Variants in BCL2L13 observed in about 807,000 individuals in gnomAD.
BCL2L13 encodes bcl-2-like protein 13.
Under a neutral mutation model 25.8 loss-of-function variants are expected in BCL2L13, and 13 were observed. The ratio of observed to expected loss-of-function variants is 0.50; its 90% CI spans 0.33 to 0.80. BCL2L13 has a LOEUF of 0.80. BCL2L13 is among the 30% of genes least tolerant of loss of function. BCL2L13 has a pLI of 0.02. For synonymous variants in BCL2L13, 244 were observed against 230.3 expected (o/e 1.06, Z -0.54); for missense variants, 504 against 574.9 (o/e 0.88, Z 1.26).
intron 6 of BCL2L13, among the ~76,000 whole-genome samples, chr22:17,725,161 T>G (rs2535686): frequency 0.87 from 133,055 of 152,194 alleles, 58,475 homozygotes; most frequent in African/African-American, 0.97. Context: ...CTCCATTCTG[T>G]CTCTGCCATC....
At chr22:17,720,817 A>G (rs2061100531) in intron 6 of BCL2L13, among the ~76,000 whole-genome samples, 1 of 151,604 alleles carries the variant, frequency 6.6e-6, no homozygotes, top group Non-Finnish European at 1.5e-5. Flanking sequence ...TTTTTATGTT[A>G]TGTGAATTTT....
At chr22:17,664,668 G>A (rs2059180538) in intron 2 of BCL2L13, among the ~76,000 whole-genome samples, 1 of 152,214 alleles carries the variant, frequency 6.6e-6, no homozygotes, top group Non-Finnish European at 1.5e-5. Flanking sequence ...TGGACATCCA[G>A]GCATTTCCAT....
At chr22:17,685,114 TC>T (rs1041182049) in intron 3 of BCL2L13, among the ~76,000 whole-genome samples, 1 of 152,146 alleles carries the variant, frequency 6.6e-6, no homozygotes, top group African/African-American at 2.4e-5. Flanking sequence ...CCTCAGGTGA[TC>T]CGCCCACCTC....
chr22:17,636,121 C>G (rs1290145250), upstream of BCL2L13, among the ~76,000 whole-genome samples: 3 of 151,326 alleles, frequency 2.0e-5, no homozygotes, highest in Admixed American at 1.3e-4. Context: ...GTCAGGAGTT[C>G]GAGAGCAGCC....
chr22:17,706,525 A>G, intron 6 of BCL2L13: 1 of 272,994 alleles, frequency 3.7e-6, no homozygotes, highest in South Asian at 1.4e-4. Context: ...TCACAAAAAT[A>G]ATGATGTGAA....
chr22:17,651,269 A>G (rs1225341620), intron 1 of BCL2L13, among the ~76,000 whole-genome samples: 1 of 151,664 alleles, frequency 6.6e-6, no homozygotes, highest in Non-Finnish European at 1.5e-5. Flanking sequence ...AAGTGCTAGG[A>G]TTATAGGCGT....
At chr22:17,644,851 T>C (rs1319837683) in intron 1 of BCL2L13, among the ~76,000 whole-genome samples, 3 of 148,372 alleles carry the variant, frequency 2.0e-5, no homozygotes, top group Non-Finnish European at 4.5e-5. Flanking sequence ...TGCTCTGTCA[T>C]CAGGCTGGAG....
chr22:17,648,319 G>A (rs997149334), intron 1 of BCL2L13, among the ~76,000 whole-genome samples: 59 of 152,160 alleles, frequency 3.9e-4, no homozygotes, highest in African/African-American at 1.2e-3. Context: ...TTACATAATA[G>A]TGTTCTTGGG....
At chr22:17,705,925 A>G (rs1231952862) in intron 6 of BCL2L13, among the ~76,000 whole-genome samples, 3 of 152,230 alleles carry the variant, frequency 2.0e-5, no homozygotes, top group African/African-American at 7.2e-5. Flanking sequence ...GAATGGAGTG[A>G]TATAGCACAT....
chr22:17,694,996 A>G (rs903311050), intron 4 of BCL2L13, among the ~76,000 whole-genome samples: 3 of 152,162 alleles, frequency 2.0e-5, no homozygotes, highest in African/African-American at 7.2e-5. Context: ...TTCACGAGAG[A>G]AAAGTTCCTT....
intron 6 of BCL2L13, among the ~76,000 whole-genome samples, chr22:17,721,270 C>T (rs1354670558): frequency 1.3e-5 from 2 of 152,164 alleles, no homozygotes; most frequent in East Asian, 3.8e-4. Context: ...TCAAATTGTT[C>T]CACAGTTCCT....
intron 3 of BCL2L13, among the ~76,000 whole-genome samples, chr22:17,688,641 G>A (rs1432018986): frequency 1.3e-5 from 2 of 151,982 alleles, no homozygotes; most frequent in South Asian, 2.1e-4. Context: ...CAATGTTTAC[G>A]TGCCAACAAA....
At chr22:17,643,763 G>A (rs551214002) in intron 1 of BCL2L13, among the ~76,000 whole-genome samples, 146 of 151,702 alleles carry the variant, frequency 9.6e-4, no homozygotes, top group African/African-American at 3.1e-3. Context: ...ACAGGCACTC[G>A]CCACCATGCC....
intron 2 of BCL2L13, among the ~76,000 whole-genome samples, chr22:17,677,867 CA>C (rs34495758): frequency 3.6e-5 from 5 of 139,850 alleles, no homozygotes; most frequent in Admixed American, 7.2e-5. Context: ...GACTCTGTCT[CA>C]AAAAAAAAAC....
At chr22:17,712,419 G>T (rs1245547297) in intron 6 of BCL2L13, among the ~76,000 whole-genome samples, 2 of 152,168 alleles carry the variant, frequency 1.3e-5, no homozygotes. Flanking sequence ...TTTTGAAAGA[G>T]CAAATAAATA....
At chr22:17,655,328 G>A (rs2058820601) in intron 1 of BCL2L13, among the ~76,000 whole-genome samples, 1 of 148,632 alleles carries the variant, frequency 6.7e-6, no homozygotes, top group Admixed American at 6.7e-5. Flanking sequence ...ATAAGCAGGA[G>A]TATACTCTAA....
chr22:17,654,628 G>T (rs1204748943), intron 1 of BCL2L13, among the ~76,000 whole-genome samples: 1 of 150,982 alleles, frequency 6.6e-6, no homozygotes, highest in Non-Finnish European at 1.5e-5. Context: ...GTTTCACTCT[G>T]TTAGCCAGGA....
At chr22:17,635,763 G>A (rs936919493), upstream of BCL2L13, among the ~76,000 whole-genome samples, 2 of 151,702 alleles carry the variant, frequency 1.3e-5, no homozygotes, top group African/African-American at 4.8e-5. Context: ...AGGCTGGAGT[G>A]CAGTGGTGCG....
At chr22:17,633,556 C>T (rs1052303284) in intron 1 of BCL2L13, among the ~76,000 whole-genome samples, 3 of 152,090 alleles carry the variant, frequency 2.0e-5, no homozygotes, top group Admixed American at 6.6e-5. Flanking sequence ...CAGAAAGGGA[C>T]GGTTCATGTG....
Sources: allele counts gnomAD v4.1 joint callset (sites outside exome capture counted in the v4.1 genomes callset), GRCh38; gene constraint gnomAD v4.1.1; transcripts MANE v1.5; gene names NCBI Gene and HGNC (gene_info 2026-07-23, HGNC 2026-07-21).